The following BCAR3 variants were observed in gnomAD, a reference collection of about 807,000 sequenced individuals.
The protein encoded by BCAR3 is breast cancer anti-estrogen resistance protein 3.
Under a neutral mutation model 80.1 loss-of-function variants are expected in BCAR3, and 37 were observed. The observed-to-expected ratio is 0.46, with a 90% CI of 0.36 to 0.61. BCAR3 has a LOEUF of 0.61. Among genes scored for constraint, BCAR3 ranks in the 20% least tolerant of loss-of-function variants. The pLI, the probability that BCAR3 is intolerant of heterozygous loss-of-function variation, is 0.00. For synonymous variants in BCAR3, 389 were observed against 418.9 expected, an observed-to-expected ratio of 0.93 and a Z score of 0.87; for missense variants, 978 against 1,068.2, an observed-to-expected ratio of 0.92 and a Z score of 1.18.
At chr1:93,780,069 C>T (rs535350599) in intron 2 of BCAR3, among the ~76,000 whole-genome samples, 1 of 152,300 alleles carries the variant, frequency 6.6e-6, no homozygotes, top group African/African-American at 2.4e-5. Context: ...ACCCTCAGGG[C>T]CTGCTTAAGG....
At chr1:93,696,185 A>G (rs1183861078) in intron 3 of BCAR3, among the ~76,000 whole-genome samples, 1 of 152,118 alleles carries the variant, frequency 6.6e-6, no homozygotes, top group Non-Finnish European at 1.5e-5. Context: ...GGCATGAGCC[A>G]CTGTGCCCAG....
chr1:93,585,334 A>AT (rs1557845878), intron 5 of BCAR3, among the ~76,000 whole-genome samples: 1 of 152,190 alleles, frequency 6.6e-6, no homozygotes, highest in East Asian at 1.9e-4. Context: ...CTCCCACTTA[A>AT]ACATTTCTGG....
chr1:93,748,102 A>G (rs1048573163), intron 2 of BCAR3, among the ~76,000 whole-genome samples: 1 of 152,056 alleles, frequency 6.6e-6, no homozygotes, highest in African/African-American at 2.4e-5. Context: ...TCATTTCCTA[A>G]TTCATTCATT....
intron 3 of BCAR3, among the ~76,000 whole-genome samples, chr1:93,640,951 T>C (rs543825891): frequency 6.6e-6 from 1 of 152,336 alleles, no homozygotes; most frequent in African/African-American, 2.4e-5. Flanking sequence ...GAGTGCATTT[T>C]TTGTTAAGTC....
chr1:93,601,853 C>T (rs1674634116), intron 3 of BCAR3, among the ~76,000 whole-genome samples: 1 of 152,194 alleles, frequency 6.6e-6, no homozygotes, highest in African/African-American at 2.4e-5. Context: ...CTGGGCTATT[C>T]TATCCTAGTT....
chr1:93,591,569 G>T (rs1425737548), intron 4 of BCAR3, among the ~76,000 whole-genome samples: 1 of 152,156 alleles, frequency 6.6e-6, no homozygotes, highest in Non-Finnish European at 1.5e-5. Flanking sequence ...TGATTGGCCA[G>T]ATCAGGTTTA....
intron 3 of BCAR3, among the ~76,000 whole-genome samples, chr1:93,702,654 A>T (rs899187153): frequency 1.3e-5 from 2 of 152,204 alleles, no homozygotes; most frequent in African/African-American, 4.8e-5. Context: ...AAAGCACTTC[A>T]TTAAGACAGG....
chr1:93,748,163 G>A (rs1651422895), intron 2 of BCAR3, among the ~76,000 whole-genome samples: 1 of 152,138 alleles, frequency 6.6e-6, no homozygotes, highest in African/African-American at 2.4e-5. Flanking sequence ...TAGGTACTGA[G>A]CTAGGTGCTG....
chr1:93,584,911 T>C, intron 5 of BCAR3: 1 of 920,992 alleles, frequency 1.1e-6, no homozygotes, highest in Non-Finnish European at 1.3e-6. Context: ...TGAACTTTAA[T>C]TGGCCTTCCC....
chr1:93,613,759 AC>A, intron 3 of BCAR3: 1 of 1,454,918 alleles, frequency 6.9e-7, no homozygotes, highest in Non-Finnish European at 9.3e-7. Flanking sequence ...CAAGCTGCAA[AC>A]TTTTATCTAT....
intron 2 of BCAR3, among the ~76,000 whole-genome samples, chr1:93,838,076 G>A (rs1654834200): frequency 1.3e-5 from 2 of 152,204 alleles, no homozygotes; most frequent in African/African-American, 4.8e-5. Context: ...AGAGAAATGG[G>A]GGAAGGGATG....
chr1:93,681,689 C>G lies in BCAR3; in HGVS notation c.-103G>C, dbSNP rs1648773085. 1 of 151,764 alleles carries G rather than the reference C, an allele frequency of 6.6e-6. No individual in the cohort carries two copies. Among genetic ancestry groups the G allele is most frequent in the Non-Finnish European group, 1.5e-5 (1 of 67,900 alleles). 9.4% of individuals were successfully genotyped at this position (151,764 alleles called of 1,614,324 possible). On this transcript the variant is annotated 5_prime_UTR_variant, in exon 1 of 12. Coordinates refer to ENST00000260502, the MANE Select transcript of BCAR3 (RefSeq NM_003567.4). ...GCCGCGCGGCCGGCCTCGCACCGCC[C>G]GCGCCGCGGCTGCTCCCGGAGCTGG... is the stretch of plus-strand genomic sequence containing the variant.
intron 2 of BCAR3, among the ~76,000 whole-genome samples, chr1:93,766,072 A>C (rs1197219734): frequency 6.6e-6 from 1 of 152,144 alleles, no homozygotes; most frequent in African/African-American, 2.4e-5. Context: ...GTACCCTTTG[A>C]CCATCATCTC....
Position 93,740,164 on chromosome 1 carries a change from G to A in BCAR3, c.-62-34022C>T, listed in dbSNP as rs115068159. 2.7e-4 allele frequency among the ~76,000 whole-genome samples: 41 copies of A among 152,294 alleles called. 3 individuals are homozygous for A. Among genetic ancestry groups the A allele is most frequent in the Admixed American group, 1.2e-3 (19 of 15,308 alleles). On this transcript the variant is annotated intron_variant, in intron 2 of 13. Coordinates refer to the BCAR3 transcript ENST00000370244. Reference sequence around the variant, plus strand: ...TGGGGAGAAAAGTCAAGTCAACTCCGGCAGGTATCTTGTCACCCAGGAAGC... The same window carrying A: ...TGGGGAGAAAAGTCAAGTCAACTCCAGCAGGTATCTTGTCACCCAGGAAGC...
chr1:93,665,680 C>T (rs530054359), intron 2 of BCAR3, among the ~76,000 whole-genome samples: 1 of 152,290 alleles, frequency 6.6e-6, no homozygotes. Flanking sequence ...GAGCTCCAGG[C>T]TCATAATTCC....
At chr1:93,803,837 C>A (rs961752704) in intron 2 of BCAR3, among the ~76,000 whole-genome samples, 3 of 152,162 alleles carry the variant, frequency 2.0e-5, no homozygotes, top group African/African-American at 4.8e-5. Context: ...TTTTGCAACA[C>A]AGAAAATGAA....
At chr1:93,769,728 TTG>T (rs1397160624) in intron 2 of BCAR3, among the ~76,000 whole-genome samples, 3 of 152,128 alleles carry the variant, frequency 2.0e-5, no homozygotes, top group Non-Finnish European at 4.4e-5. Context: ...CTTTTCTGCT[TTG>T]TGAATCTATG....
At chr1:93,607,200 T>C (rs971863250) in intron 3 of BCAR3, among the ~76,000 whole-genome samples, 2 of 152,134 alleles carry the variant, frequency 1.3e-5, no homozygotes, top group Non-Finnish European at 2.9e-5. Context: ...CCCACCGCTA[T>C]GCAATATATC....
chr1:93,567,369 A>G lies in BCAR3; in HGVS notation c.2209T>C (p.Cys737Arg). 1 of 1,614,154 alleles carries G rather than the reference A, an allele frequency of 6.2e-7. No individual in the cohort carries two copies. Among genetic ancestry groups the G allele is most frequent in the Non-Finnish European group, 8.5e-7 (1 of 1,180,032 alleles). ...GCCAAATGGTTCAGCATGATTTCAC[A>G]GCTCTGGTCGTTTTTTTCCCACATG... ...TDMWEKNDQS[C>R]EIMLNHLATA... Residue 737 changes from cysteine to arginine, a missense_variant, in exon 11 of 12, where the codon TGT (cysteine) becomes CGT (arginine). Cys to Arg is a radical substitution (Grantham distance 180). Transcript: ENST00000260502.
Sources: gnomAD v4.1 joint callset for allele counts (sites outside exome capture counted in the v4.1 genomes callset) on GRCh38, gnomAD v4.1.1 for gene constraint, MANE v1.5 for transcripts, NCBI Gene and HGNC (gene_info 2026-07-23, HGNC 2026-07-21) for gene names.